The following ATP9A variants were observed in gnomAD, a reference collection of about 807,000 sequenced individuals.
The protein encoded by ATP9A is ATPase phospholipid transporting 9A, also known as probable phospholipid-transporting ATPase IIA.
In ATP9A, 52 loss-of-function variants were observed where a neutral mutation model predicts 144.1. The observed-to-expected ratio is 0.36, with a 90% CI of 0.29 to 0.45. The LOEUF (loss-of-function observed/expected upper bound fraction) is 0.45, where lower values mean the gene tolerates loss of function less well. Ranked by LOEUF, ATP9A falls within the 20% of genes least tolerant of loss-of-function variation. The pLI is 1.00. For synonymous variants in ATP9A, 582 were observed against 557.4 expected, an observed-to-expected ratio of 1.04 and a Z score of -0.62; for missense variants, 947 against 1,392.7, an observed-to-expected ratio of 0.68 and a Z score of 5.09.
chr20:51,601,422 T>C, intron 27 of ATP9A, 75 bp from the exon 28 acceptor site: 1 of 1,407,930 alleles, frequency 7.1e-7, no homozygotes, highest in Non-Finnish European at 9.5e-7. Flanking sequence ...GAAACAGGCG[T>C]CACAACTATC....
At position 51,768,303 on chromosome 20, in the gene ATP9A, C is replaced by T. The variant is rs2077914875; in HGVS notation, c.67G>A (p.Gly23Arg). 4 of 1,295,596 alleles carry T rather than the reference C, an allele frequency of 3.1e-6. No individual in the cohort carries two copies. The highest frequency in any genetic ancestry group is 3.9e-6 in the Non-Finnish European group (4 of 1,012,720). 80.3% of individuals were successfully genotyped at this position (1,295,596 alleles called of 1,614,324 possible). ...KKRMDSRPRA[G>R]CCEWLRCCGG... ...AAACACGGGCCCAGGCCCACTCACC[C>T]GGCGCGGGGCCTGCTGTCCATCCGC... The change falls in exon 1 of 28, where the codon GGG becomes AGG. Residue 23 changes from glycine (G) to arginine (R), a missense_variant and splice_region_variant. Gly to Arg is a moderately radical substitution (Grantham distance 125). This residue lies in a region of ATP9A where 770 missense variants were observed against 1,047.9 expected (regional missense o/e 0.73). Transcript: ENST00000338821.
rs1318029133 is a variant in ATP9A, at chr20:51,597,071, A to C, written c.*4140T>G. 1 of 152,172 alleles carries C rather than the reference A, an allele frequency of 6.6e-6. No individual in the cohort carries two copies. The highest frequency in any genetic ancestry group is 2.4e-5 in the African/African-American group (1 of 41,442). The allele number at this position is 152,172 out of a possible 1,614,324, so 9.4% of individuals were successfully genotyped here. On this transcript the variant is annotated 3_prime_UTR_variant, in exon 28 of 28. Transcript: ENST00000338821. The stretch of plus-strand genomic sequence containing the variant: ...TAACCCCACTGCAACAAAATAATAA[A>C]TTAGCCATAATTTGTTTTTTTTGCA...
intron 1 of ATP9A, among the ~76,000 whole-genome samples, chr20:51,732,207 G>A (rs1284580297): frequency 6.6e-6 from 1 of 152,092 alleles, no homozygotes; most frequent in Non-Finnish European, 1.5e-5. Context: ...CTTCAGGAGA[G>A]CTTTATTAAA....
chr20:51,728,354 C>A (rs112074123), intron 2 of ATP9A, among the ~76,000 whole-genome samples: 1 of 152,176 alleles, frequency 6.6e-6, no homozygotes, highest in Non-Finnish European at 1.5e-5. Context: ...CGGCTGGGAG[C>A]GCTGGCTCGT....
chr20:51,668,519 C>T (rs1465959111), intron 13 of ATP9A, among the ~76,000 whole-genome samples: 1 of 152,070 alleles, frequency 6.6e-6, no homozygotes, highest in African/African-American at 2.4e-5. Flanking sequence ...CGGGGAACAA[C>T]ATAACAGAGT....
chr20:51,756,702 A>C (rs1236568492), intron 1 of ATP9A, among the ~76,000 whole-genome samples: 1 of 152,108 alleles, frequency 6.6e-6, no homozygotes, highest in Non-Finnish European at 1.5e-5. Context: ...CCTGTCTCCA[A>C]ATGCAGTCAC....
chr20:51,705,878 T>A (rs1012063984), intron 4 of ATP9A, among the ~76,000 whole-genome samples: 5 of 152,256 alleles, frequency 3.3e-5, no homozygotes, highest in Non-Finnish European at 5.9e-5. Context: ...CTCCAAGATC[T>A]TCTCCTTTCT....
chr20:51,699,333 C>CAAAA (rs74175569), intron 4 of ATP9A, among the ~76,000 whole-genome samples: 14 of 70,414 alleles, frequency 2.0e-4, no homozygotes, highest in African/African-American at 3.2e-4. Context: ...AACTCAATCT[C>CAAAA]AAAAAAAAAA....
Position 51,697,385 on chromosome 20 carries a change from G to A in ATP9A, c.495+39C>T, listed in dbSNP as rs749618554. On this transcript the variant is annotated intron_variant, in intron 5 of 27. Transcript: ENST00000338821. ...ACACAAATGACACATTAGGACCCAT[G>A]AAGTGGTATCCACACACAAGCTTCC... The A allele has an allele frequency of 1.3e-5, 21 of 1,590,194 alleles. No individual in the cohort carries two copies. In the East Asian group the frequency reaches 4.0e-4, roughly 30 times the overall value.
chr20:51,728,692 G>A (rs1266288208), intron 2 of ATP9A, among the ~76,000 whole-genome samples: 2 of 151,554 alleles, frequency 1.3e-5, no homozygotes, highest in East Asian at 3.9e-4. Context: ...CTTGAGCCCA[G>A]GAGTCTGAGG....
intron 13 of ATP9A, among the ~76,000 whole-genome samples, chr20:51,665,341 T>G (rs1349031662): frequency 6.6e-6 from 1 of 152,216 alleles, no homozygotes; most frequent in Non-Finnish European, 1.5e-5. Flanking sequence ...CACAGTATTG[T>G]GAACATATTA....
chr20:51,733,642 G>A (rs1014943861), intron 1 of ATP9A, among the ~76,000 whole-genome samples: 3 of 151,884 alleles, frequency 2.0e-5, no homozygotes, highest in Admixed American at 6.6e-5. Context: ...CAAAGTGCTG[G>A]GATTACAGGC....
At chr20:51,635,829 G>GAA (rs1568795821) in intron 15 of ATP9A, among the ~76,000 whole-genome samples, 2 of 106,656 alleles carry the variant, frequency 1.9e-5, no homozygotes, top group Admixed American at 9.7e-5. Flanking sequence ...AGGAAGGGAG[G>GAA]GAGGGAGGGA....
chr20:51,736,749 A>G (rs2077764652), intron 1 of ATP9A, among the ~76,000 whole-genome samples: 1 of 152,122 alleles, frequency 6.6e-6, no homozygotes, highest in Non-Finnish European at 1.5e-5. Flanking sequence ...TATATGAGTT[A>G]TGTCTCAATG....
chr20:51,754,072 C>A (rs2077845406), intron 1 of ATP9A, among the ~76,000 whole-genome samples: 1 of 150,394 alleles, frequency 6.6e-6, no homozygotes, highest in South Asian at 2.1e-4. Context: ...ATAAACTATT[C>A]AAGAAGAGAG....
In ATP9A at chr20:51,629,096, T is replaced by C. The variant is rs1357224698; in HGVS notation, c.1669-24A>G. ...TCCTAGAGAGGGAGGCCGGAAGGAA[T>C]GAGAAACTGAAAGGAACACCCTCTT... On this transcript the variant is annotated intron_variant, in intron 15 of 27. Transcript: ENST00000338821. The C allele has an allele frequency of 3.8e-6, 6 of 1,585,718 alleles. No individual in the cohort carries two copies. The African/African-American group carries it at 5.4e-5, about 14-fold the overall frequency.
chr20:51,616,940 CTT>C (rs556430829), intron 22 of ATP9A, among the ~76,000 whole-genome samples: 154 of 131,010 alleles, frequency 1.2e-3, no homozygotes, highest in Middle Eastern at 3.8e-3. Context: ...TATAGAGAAA[CTT>C]TTTTTTTTTT....
At chr20:51,642,682 T>C (rs981890784) in intron 14 of ATP9A, among the ~76,000 whole-genome samples, 2 of 120,990 alleles carry the variant, frequency 1.7e-5, no homozygotes, top group African/African-American at 6.7e-5. Context: ...GCTGAAACCA[T>C]GCCACTGCAC....
At chr20:51,663,961 TA>T (rs200976657) in intron 13 of ATP9A, among the ~76,000 whole-genome samples, 18 of 151,706 alleles carry the variant, frequency 1.2e-4, no homozygotes, top group African/African-American at 2.9e-4. Flanking sequence ...CACACGCTCA[TA>T]AAAAAAACAA....
Sources: allele counts gnomAD v4.1 joint callset (sites outside exome capture counted in the v4.1 genomes callset), GRCh38; gene constraint gnomAD v4.1.1; regional missense constraint gnomAD v4.1.1; transcripts MANE v1.5; gene names NCBI Gene and HGNC (gene_info 2026-07-23, HGNC 2026-07-21).